Variants in NDP observed in about 807,000 individuals in gnomAD.
The protein encoded by NDP is norrin.
In NDP, 2 loss-of-function variants were observed where a neutral mutation model predicts 8.4. The ratio of observed to expected loss-of-function variants is 0.24; its 90% CI spans 0.10 to 0.75. The LOEUF (loss-of-function observed/expected upper bound fraction) is 0.75, where lower values mean the gene tolerates loss of function less well. Among genes scored for constraint, NDP ranks in the 30% least tolerant of loss-of-function variants. NDP has a pLI of 0.73. For missense variants in NDP, 81 were observed against 110.1 expected (o/e 0.74, Z 1.18); for synonymous variants, 55 against 45.6 (o/e 1.21, Z -0.83).
chrX:43,959,924 A>G (rs768091783), intron 1 of NDP, among the ~76,000 whole-genome samples: 3 of 112,495 alleles, frequency 2.7e-5, no homozygotes, highest in African/African-American at 6.5e-5. Flanking sequence ...TTAACTTCCT[A>G]CTCATGAACA....
At chrX:43,971,550 C>T (rs1367891463) in intron 1 of NDP, among the ~76,000 whole-genome samples, 1 of 111,623 alleles carries the variant, frequency 9.0e-6, no homozygotes, top group Admixed American at 9.5e-5. Flanking sequence ...CCAGTTCTCC[C>T]GTTACCTGAA....
At chrX:43,952,358 T>C (rs1307500812) in intron 2 of NDP, among the ~76,000 whole-genome samples, 1 of 111,795 alleles carries the variant, frequency 8.9e-6, no homozygotes, top group East Asian at 2.8e-4. Flanking sequence ...ATCTAGATCA[T>C]CTATTAGGTT....
At chrX:43,967,565 G>T (rs776609273) in intron 1 of NDP, among the ~76,000 whole-genome samples, 1 of 111,539 alleles carries the variant, frequency 9.0e-6, no homozygotes, top group African/African-American at 3.3e-5. Context: ...GAAATAAAGG[G>T]ATCCTTCCCT....
chrX:43,970,180 G>T (rs1374490664), intron 1 of NDP, among the ~76,000 whole-genome samples: 1 of 111,757 alleles, frequency 8.9e-6, no homozygotes, highest in Non-Finnish European at 1.9e-5. Flanking sequence ...TCACAGCCAG[G>T]GCAGGCCACA....
chrX:43,963,868 G>A (rs1043647003), intron 1 of NDP, among the ~76,000 whole-genome samples: 1 of 112,692 alleles, frequency 8.9e-6, no homozygotes, highest in South Asian at 3.6e-4. Context: ...AATATTCCTA[G>A]CTGGCAGCAC....
Position 43,950,018 on chromosome X carries a change from G to C in NDP, c.183C>G (p.Leu61=), listed in dbSNP as rs1011641635. ...TGCAGTGCCCCTCGCACCTGGCCAG[G>C]AGCACCATCTGGGGAAAGAAAAGGA... The part of the protein sequence containing the change: ...PLYKCSSKMV[L]LARCEGHCSQ... Residue 61 remains leucine, a synonymous_variant, in exon 3 of 3, where the codon CTC becomes CTG. Coordinates refer to ENST00000642620, the MANE Select transcript of NDP (RefSeq NM_000266.4). 18 of 1,198,337 alleles carry C rather than the reference G, an allele frequency of 1.5e-5. No individual in the cohort carries two copies. Among genetic ancestry groups the C allele is most frequent in the Non-Finnish European group, 2.0e-5 (18 of 888,949 alleles).
At chrX:43,970,149 C>T (rs1430917727) in intron 1 of NDP, among the ~76,000 whole-genome samples, 4 of 111,861 alleles carry the variant, frequency 3.6e-5, no homozygotes, top group East Asian at 2.8e-4. Context: ...GTGTCATACA[C>T]AAAGAGGAAA....
At chrX:43,956,178 A>G (rs2035791899) in intron 2 of NDP, among the ~76,000 whole-genome samples, 1 of 111,909 alleles carries the variant, frequency 8.9e-6, no homozygotes, top group Admixed American at 9.5e-5. Context: ...TGCCTGACAC[A>G]TATATTAGGT....
At chrX:43,971,621 G>A (rs1225494823) in intron 1 of NDP, among the ~76,000 whole-genome samples, 1 of 111,527 alleles carries the variant, frequency 9.0e-6, no homozygotes, top group East Asian at 2.8e-4. Context: ...ATACTCTCAT[G>A]TAATGATCTG....
chrX:43,958,615 A>G lies in NDP; in HGVS notation c.31T>C (p.Ser11Pro). The G allele has an allele frequency of 8.3e-7, 1 of 1,211,524 alleles. No homozygotes were observed. The highest frequency in any genetic ancestry group is 1.8e-5 in the South Asian group (1 of 56,998). Residue 11 changes from serine (S) to proline (P), a missense_variant, in exon 2 of 3, where the codon TCT becomes CCT. Physicochemically the swap from Ser to Pro is moderately conservative, Grantham distance 74. Coordinates refer to ENST00000642620, the MANE Select transcript of NDP (RefSeq NM_000266.4). The part of the protein sequence containing the change: MRKHVLAASF[S>P]MLSLLVIMGD... The stretch of plus-strand genomic sequence containing the variant: ...ATTATCACCAGCAGGGAGAGCATAG[A>G]AAAGGATGCAGCTAGTACATGTTTT...
chrX:43,950,783 G>A (rs1026787883), intron 2 of NDP, among the ~76,000 whole-genome samples: 3 of 112,068 alleles, frequency 2.7e-5, no homozygotes, highest in Non-Finnish European at 5.6e-5. Context: ...GAGGCTATGT[G>A]TTCTTTATAG....
At chrX:43,954,101 G>A (rs188370377) in intron 2 of NDP, among the ~76,000 whole-genome samples, 2 of 112,009 alleles carry the variant, frequency 1.8e-5, no homozygotes, top group Non-Finnish European at 3.8e-5. Context: ...TGCCTTTTTC[G>A]CAGCAGTGAA....
intron 1 of NDP, among the ~76,000 whole-genome samples, 163 bp from the exon 2 acceptor site, chrX:43,959,015 C>T (rs2035811569): frequency 1.8e-5 from 2 of 112,387 alleles, no homozygotes; most frequent in African/African-American, 6.5e-5. Context: ...CCCCAACTCC[C>T]ATAGCTTATG....
intron 1 of NDP, among the ~76,000 whole-genome samples, chrX:43,971,415 T>A (rs2035890443): frequency 9.0e-6 from 1 of 111,702 alleles, no homozygotes; most frequent in Admixed American, 9.5e-5. Context: ...GTTAAATGTA[T>A]TGAAAAATGA....
At chrX:43,962,705 A>G (rs947902610) in intron 1 of NDP, among the ~76,000 whole-genome samples, 1 of 111,788 alleles carries the variant, frequency 8.9e-6, no homozygotes, top group Admixed American at 9.4e-5. Flanking sequence ...TGGCCACGCT[A>G]TGCTCTGGAT....
At chrX:43,958,913 C>T (rs2035811041) in intron 1 of NDP, 61 bp from the exon 2 acceptor site, 2 of 353,356 alleles carry the variant, frequency 5.7e-6, no homozygotes, top group African/African-American at 5.2e-5. Context: ...CTAATGGAAC[C>T]CAGGAGGTAT....
At chrX:43,959,078 T>C (rs1240595754) in intron 1 of NDP, among the ~76,000 whole-genome samples, 1 of 112,266 alleles carries the variant, frequency 8.9e-6, no homozygotes, top group African/African-American at 3.2e-5. Flanking sequence ...TGGAAGCACA[T>C]GTTGACTTTA....
intron 1 of NDP, among the ~76,000 whole-genome samples, chrX:43,961,861 A>T (rs756474768): frequency 1.1e-4 from 12 of 111,827 alleles, no homozygotes; most frequent in African/African-American, 3.9e-4. Flanking sequence ...GTTCTTGTAC[A>T]TTACTGCCAC....
chrX:43,968,816 C>T (rs2035873404), intron 1 of NDP, among the ~76,000 whole-genome samples: 1 of 112,430 alleles, frequency 8.9e-6, no homozygotes, highest in African/African-American at 3.2e-5. Flanking sequence ...GTTCTTTCTT[C>T]TCTTTCTTTC....
Sources: gnomAD v4.1 joint callset for allele counts (sites outside exome capture counted in the v4.1 genomes callset) on GRCh38, gnomAD v4.1.1 for gene constraint, MANE v1.5 for transcripts, NCBI Gene and HGNC (gene_info 2026-07-23, HGNC 2026-07-21) for gene names.